The following MEGF11 variants were observed in gnomAD, a reference collection of about 807,000 sequenced individuals.
MEGF11 encodes the protein multiple epidermal growth factor-like domains protein 11.
Under a neutral mutation model 146.6 loss-of-function variants are expected in MEGF11, and 126 were observed. The observed-to-expected ratio is 0.86, with a 90% CI of 0.74 to 1.00. MEGF11 has a LOEUF of 1.00. Among genes scored for constraint, MEGF11 ranks in the 50% least tolerant of loss-of-function variants. The pLI is 0.00. For synonymous variants in MEGF11, 532 were observed against 583.4 expected (o/e 0.91, Z 1.27); for missense variants, 1,509 against 1,521.2 (o/e 0.99, Z 0.13).
At chr15:66,033,973 G>A (rs1824297316) in intron 5 of MEGF11, among the ~76,000 whole-genome samples, 1 of 151,614 alleles carries the variant, frequency 6.6e-6, no homozygotes. Flanking sequence ...TGTATTTTTA[G>A]TAGAGACAGG....
chr15:66,194,764 T>C (rs1207625294), intron 1 of MEGF11, among the ~76,000 whole-genome samples: 1 of 152,054 alleles, frequency 6.6e-6, no homozygotes, highest in Admixed American at 6.5e-5. Context: ...AAATCACCAC[T>C]AAAGAACTTA....
chr15:66,085,013 T>C (rs2086045956), intron 5 of MEGF11, among the ~76,000 whole-genome samples: 1 of 152,038 alleles, frequency 6.6e-6, no homozygotes, highest in Non-Finnish European at 1.5e-5. Context: ...GGCTGGCCCT[T>C]TGATTTGCAT....
At chr15:66,141,308 G>GAT (rs762646790) in intron 1 of MEGF11, among the ~76,000 whole-genome samples, 1 of 148,382 alleles carries the variant, frequency 6.7e-6, no homozygotes, top group African/African-American at 2.5e-5. Flanking sequence ...GAGAGAGAGA[G>GAT]ACAGGGATAG....
intron 15 of MEGF11, 101 bp from the exon 16 acceptor site, chr15:65,918,195 C>T: frequency 6.5e-7 from 1 of 1,538,728 alleles, no homozygotes; most frequent in Non-Finnish European, 8.8e-7. Flanking sequence ...CAGCCATGAT[C>T]ACCCAGGGGT....
At chr15:66,147,634 G>A (rs1005753723) in intron 1 of MEGF11, among the ~76,000 whole-genome samples, 3 of 152,212 alleles carry the variant, frequency 2.0e-5, no homozygotes, top group African/African-American at 7.2e-5. Context: ...AGGCCTGGAG[G>A]TGAGAAAGAG....
At chr15:66,121,315 C>G (rs763768929) in intron 3 of MEGF11, among the ~76,000 whole-genome samples, 3 of 152,176 alleles carry the variant, frequency 2.0e-5, no homozygotes, top group Non-Finnish European at 4.4e-5. Flanking sequence ...GCAGCCAACT[C>G]TGGCAAAATT....
At chr15:65,985,125 A>T (rs2081808467) in intron 5 of MEGF11, among the ~76,000 whole-genome samples, 1 of 152,214 alleles carries the variant, frequency 6.6e-6, no homozygotes, top group Non-Finnish European at 1.5e-5. Context: ...GAAGTGCTAC[A>T]TACATGACTA....
At chr15:66,167,889 GAGGCCATCACTGGCCT>G (rs2090144241) in intron 1 of MEGF11, among the ~76,000 whole-genome samples, 1 of 152,178 alleles carries the variant, frequency 6.6e-6, no homozygotes, top group African/African-American at 2.4e-5. Context: ...CAGCTCTGAA[GAGGCCATCACTGGCCT>G]GGCCTCAGGG....
At chr15:66,157,377 A>G (rs2089798244) in intron 1 of MEGF11, among the ~76,000 whole-genome samples, 1 of 152,200 alleles carries the variant, frequency 6.6e-6, no homozygotes, top group African/African-American at 2.4e-5. Flanking sequence ...AAGGGAGTGC[A>G]AGGTCCTGAC....
chr15:65,965,154 G>A (rs1276690387), intron 8 of MEGF11, 34 bp from the exon 9 acceptor site: 1 of 1,513,304 alleles, frequency 6.6e-7, no homozygotes, highest in East Asian at 2.4e-5. Context: ...GAGGCTGTGG[G>A]CCAGGATCCC....
chr15:66,061,743 C>T (rs1367549491), intron 5 of MEGF11, among the ~76,000 whole-genome samples: 1 of 151,158 alleles, frequency 6.6e-6, no homozygotes, highest in Admixed American at 6.6e-5. Flanking sequence ...TCAAAAAATC[C>T]TCCCGCTTTG....
intron 5 of MEGF11, among the ~76,000 whole-genome samples, chr15:66,079,175 C>T (rs903833428): frequency 6.6e-6 from 1 of 152,152 alleles, no homozygotes; most frequent in Admixed American, 6.5e-5. Context: ...CGCCTCCTGC[C>T]CCATGGCCTG....
chr15:66,138,917 G>C (rs959172127), intron 1 of MEGF11, among the ~76,000 whole-genome samples: 1 of 152,202 alleles, frequency 6.6e-6, no homozygotes, highest in African/African-American at 2.4e-5. Flanking sequence ...GGGGTGCACA[G>C]GGGGAATGAG....
intron 13 of MEGF11, among the ~76,000 whole-genome samples, chr15:65,923,818 C>CCCCACAG (rs1277091595): frequency 6.6e-6 from 1 of 152,128 alleles, no homozygotes; most frequent in African/African-American, 2.4e-5. Flanking sequence ...TTGTTAGGTT[C>CCCCACAG]CCTACAGCCT....
chr15:66,028,110 TCTGTACCCAGTCTTA>T (rs60837924), intron 5 of MEGF11, among the ~76,000 whole-genome samples: 3,964 of 152,254 alleles, frequency 0.026, 170 homozygotes, highest in African/African-American at 0.089. Flanking sequence ...GTAAGATGTC[TCTGTACCCAGTCTTA>T]CTGTACCCAG....
At chr15:66,094,662 T>C (rs1216211461) in intron 4 of MEGF11, among the ~76,000 whole-genome samples, 168 bp from the exon 5 acceptor site, 1 of 152,184 alleles carries the variant, frequency 6.6e-6, no homozygotes, top group African/African-American at 2.4e-5. Flanking sequence ...CTGAGTTATT[T>C]AATTAACTCC....
chr15:66,166,296 A>T (rs1023696221), intron 1 of MEGF11, among the ~76,000 whole-genome samples: 1 of 151,980 alleles, frequency 6.6e-6, no homozygotes, highest in South Asian at 2.1e-4. Flanking sequence ...ACATCCCCAC[A>T]TCTAGTCCAT....
rs201325700 is a variant in MEGF11 at position 65,980,779 on chromosome 15, G to A, written c.761C>T (p.Thr254Met). The change falls in exon 7 of 26, where the codon ACG becomes ATG. Residue 254 changes from threonine (T) to methionine (M), a missense_variant and splice_region_variant. Coordinates refer to ENST00000395614, the MANE Select transcript of MEGF11 (RefSeq NM_001385028.1). ...CCCAGATCCTTTGGGCCCACTTACC[G>A]TCCAGCCTGGGGGGCAGGCACACTC... is the stretch of plus-strand genomic sequence containing the variant. ...TGECACPPGW[T>M]GAVCAQPCPP... 3.1e-5 allele frequency: 50 copies of A among 1,599,288 alleles called. No homozygotes were observed. The highest frequency in any genetic ancestry group is 1.3e-4 in the East Asian group (6 of 44,564).
At chr15:66,157,507 T>C (rs2089803767) in intron 1 of MEGF11, among the ~76,000 whole-genome samples, 2 of 152,236 alleles carry the variant, frequency 1.3e-5, no homozygotes, top group African/African-American at 2.4e-5. Context: ...GGGCACCTAC[T>C]ATGTACAAGG....
Sources: allele counts gnomAD v4.1 joint callset (sites outside exome capture counted in the v4.1 genomes callset), GRCh38; gene constraint gnomAD v4.1.1; transcripts MANE v1.5; gene names NCBI Gene and HGNC (gene_info 2026-07-23, HGNC 2026-07-21).